IQCB1: variants seen among roughly 807,000 people sequenced by gnomAD.
IQCB1 encodes the protein IQ motif containing B1, also known as IQ calmodulin-binding motif-containing protein 1.
In IQCB1, 56 loss-of-function variants were observed where a neutral mutation model predicts 84.4. That is an observed-to-expected ratio of 0.66 (90% CI 0.54 to 0.83). The LOEUF (loss-of-function observed/expected upper bound fraction) is 0.83, where lower values mean the gene tolerates loss of function less well. Among genes scored for constraint, IQCB1 ranks in the 40% least tolerant of loss-of-function variants. The probability of loss-of-function intolerance (pLI) is 0.00; values close to 1 mark genes in which losing one functional copy is unlikely to be tolerated. For missense variants in IQCB1, 629 were observed against 682.1 expected (o/e 0.92, Z 0.87); for synonymous variants, 210 against 234.8 (o/e 0.89, Z 0.96).
At chr3:121,828,722 T>C in intron 3 of IQCB1, 90 bp from the exon 4 acceptor site, 1 of 1,073,006 alleles carries the variant, frequency 9.3e-7, no homozygotes, top group Middle Eastern at 3.0e-4. Flanking sequence ...TCACTAAAAA[T>C]ATATTAGAAG....
intron 14 of IQCB1, 117 bp downstream of exon 14, chr3:121,772,440 T>G: frequency 6.0e-6 from 6 of 1,003,802 alleles, no homozygotes; most frequent in South Asian, 2.6e-5. Context: ...AGAAATTTCC[T>G]GAGGTTAGGG....
intron 12 of IQCB1, 97 bp from the exon 13 acceptor site, chr3:121,781,971 TG>T: frequency 8.4e-7 from 1 of 1,195,470 alleles, no homozygotes; most frequent in Non-Finnish European, 1.2e-6. Flanking sequence ...ATTGCAATAA[TG>T]ATTAACTCTG....
At chr3:121,812,044 G>T (rs568359697) in intron 5 of IQCB1, among the ~76,000 whole-genome samples, 3 of 152,310 alleles carry the variant, frequency 2.0e-5, no homozygotes, top group Non-Finnish European at 4.4e-5. Context: ...GAATCAGGCA[G>T]GTGCCACTCT....
In IQCB1 at chr3:121,811,098, T is replaced by C. The variant is rs377083775; in HGVS notation, c.394-2089A>G. Among the ~76,000 whole-genome samples the C allele has an allele frequency of 8.7e-4, 132 of 152,190 alleles. 1 individual carries two copies. In the South Asian group the frequency reaches 0.026, roughly 30 times the overall value. ...CAACTGAGGTACCCAGTTCATCTCA[T>C]TGGGACTGGTTAGACAATGGGCGCA... On this transcript the variant is annotated intron_variant, in intron 5 of 14. Transcript: ENST00000310864.
chr3:121,771,187 G>A (rs1473992602), intron 14 of IQCB1, among the ~76,000 whole-genome samples: 1 of 151,640 alleles, frequency 6.6e-6, no homozygotes, highest in Non-Finnish European at 1.5e-5. Context: ...GGTCAGGCTG[G>A]TCTCGAACTC....
At chr3:121,788,821 GTCAC>G (rs1948841832) in intron 11 of IQCB1, among the ~76,000 whole-genome samples, 1 of 151,998 alleles carries the variant, frequency 6.6e-6, no homozygotes, top group Non-Finnish European at 1.5e-5. Flanking sequence ...TTTCTCTTAA[GTCAC>G]TCAGTCAGTT....
intron 2 of IQCB1, among the ~76,000 whole-genome samples, chr3:121,833,565 A>ATTC (rs771487743): frequency 1.3e-5 from 2 of 152,222 alleles, no homozygotes; most frequent in Non-Finnish European, 2.9e-5. Context: ...GGATGCAAAG[A>ATTC]TTCTACACAA....
intron 13 of IQCB1, among the ~76,000 whole-genome samples, chr3:121,773,219 C>T (rs978703534): frequency 2.8e-5 from 4 of 144,484 alleles, no homozygotes; most frequent in East Asian, 2.2e-4. Flanking sequence ...GAGGCTGAGG[C>T]GGGAGAATTA....
At position 121,835,016 on chromosome 3, in the gene IQCB1, G is replaced by A. The variant is rs939374215; in HGVS notation, c.-152C>T. 17 of 532,596 alleles carry A rather than the reference G, an allele frequency of 3.2e-5. No homozygotes were observed. The highest frequency in any genetic ancestry group is 1.0e-3 in the Middle Eastern group (2 of 1,988). 33.0% of individuals were successfully genotyped at this position (532,596 alleles called of 1,614,324 possible). On this transcript the variant is annotated 5_prime_UTR_variant, in exon 1 of 15. Coordinates refer to ENST00000310864, the MANE Select transcript of IQCB1 (RefSeq NM_001023570.4). ...CTAAAGAACCTGGGGCTCCCACGCC[G>A]CACTACAGCGCCGCGGCCTTCCGGG...
At chr3:121,811,651 C>A (rs556844657) in intron 5 of IQCB1, among the ~76,000 whole-genome samples, 2 of 152,302 alleles carry the variant, frequency 1.3e-5, no homozygotes, top group South Asian at 4.1e-4. Context: ...AAGGAAGCCA[C>A]TGGGAAGTTT....
At chr3:121,770,605 A>T (rs759616115) in intron 14 of IQCB1, 31 bp from the exon 15 acceptor site, 6 of 1,546,172 alleles carry the variant, frequency 3.9e-6, no homozygotes, top group Non-Finnish European at 5.3e-6. Flanking sequence ...ACAGATGAGC[A>T]GAAGAGTCCT....
chr3:121,825,057 TTTTC>T (rs1430093785), intron 5 of IQCB1, among the ~76,000 whole-genome samples: 1 of 124,572 alleles, frequency 8.0e-6, no homozygotes. Flanking sequence ...TTTCTTTTTC[TTTTC>T]TTTTTTTTTT....
At chr3:121,799,037 T>TA (rs1384433282) in intron 8 of IQCB1, among the ~76,000 whole-genome samples, 159 bp downstream of exon 8, 2 of 151,858 alleles carry the variant, frequency 1.3e-5, no homozygotes, top group Admixed American at 1.3e-4. Context: ...AGCTTGATTA[T>TA]ATAAAGACTT....
chr3:121,792,518 C>A (rs1043189379), intron 10 of IQCB1, among the ~76,000 whole-genome samples: 1 of 144,762 alleles, frequency 6.9e-6, no homozygotes, highest in East Asian at 2.0e-4. Flanking sequence ...AAAAATTAGC[C>A]GGGCGTGATG....
At chr3:121,823,758 A>C (rs1033116249) in intron 5 of IQCB1, among the ~76,000 whole-genome samples, 9 of 152,260 alleles carry the variant, frequency 5.9e-5, no homozygotes, top group African/African-American at 2.2e-4. Flanking sequence ...ATGAAAATTC[A>C]GATCTGTTTG....
At chr3:121,815,360 A>G (rs1456453149) in intron 5 of IQCB1, among the ~76,000 whole-genome samples, 2 of 152,184 alleles carry the variant, frequency 1.3e-5, no homozygotes, top group African/African-American at 4.8e-5. Context: ...CAAGACAAAG[A>G]TGCCCACTCT....
intron 11 of IQCB1, among the ~76,000 whole-genome samples, 176 bp downstream of exon 11, chr3:121,789,897 T>A (rs918190938): frequency 2.6e-5 from 4 of 152,160 alleles, no homozygotes; most frequent in Non-Finnish European, 2.9e-5. Context: ...TAGGTCTGAA[T>A]TGAAAAAACA....
chr3:121,798,045 T>G (rs1949270263), intron 8 of IQCB1, among the ~76,000 whole-genome samples: 4 of 151,916 alleles, frequency 2.6e-5, no homozygotes. Flanking sequence ...GAGATATAAG[T>G]CAAAGAAAGG....
chr3:121,771,514 A>G (rs1388964533), intron 14 of IQCB1, among the ~76,000 whole-genome samples: 1 of 151,264 alleles, frequency 6.6e-6, no homozygotes, highest in Non-Finnish European at 1.5e-5. Flanking sequence ...TTTTCAGTAG[A>G]GATGGGGTTT....
Sources: allele counts gnomAD v4.1 joint callset (sites outside exome capture counted in the v4.1 genomes callset), GRCh38; gene constraint gnomAD v4.1.1; transcripts MANE v1.5; gene names NCBI Gene and HGNC (gene_info 2026-07-23, HGNC 2026-07-21).